The following TFIP11 variants were observed in gnomAD, a reference collection of about 807,000 sequenced individuals.
TFIP11 encodes tuftelin-interacting protein 11.
In TFIP11, 86 loss-of-function variants were observed where a neutral mutation model predicts 96.8. The observed-to-expected ratio is 0.89, with a 90% CI of 0.75 to 1.06. The LOEUF (loss-of-function observed/expected upper bound fraction) is 1.06, where lower values mean the gene tolerates loss of function less well. Ranked by LOEUF, TFIP11 falls within the 50% of genes least tolerant of loss-of-function variation. The pLI is 0.00. For synonymous variants in TFIP11, 405 were observed against 395.2 expected (o/e 1.02, Z -0.29); for missense variants, 881 against 1,076.7 (o/e 0.82, Z 2.54).
rs754345672 is a variant in TFIP11 at position 26,506,943 on chromosome 22, A to G, written c.210-15T>C. 1.6e-5 allele frequency: 26 copies of G among 1,612,216 alleles called. No homozygotes were observed. The African/African-American group carries it at 3.1e-4, about 19-fold the overall frequency. On this transcript the variant is annotated splice_polypyrimidine_tract_variant and intron_variant, in intron 4 of 14. Coordinates refer to ENST00000407690, the MANE Select transcript of TFIP11 (RefSeq NM_012143.4). ...AGTCACGGGCCCTGTAGGCACAGAA[A>G]CAAAGCCCCACCAGGTCGGTAAAGA...
intron 2 of TFIP11, chr22:26,511,183 C>T (rs1924010122): frequency 1.3e-5 from 2 of 152,426 alleles, no homozygotes. Context: ...AGTCAAGTTC[C>T]AAAGCTGAAG....
chr22:26,503,922 G>A, intron 6 of TFIP11, 129 bp from the exon 7 acceptor site: 1 of 1,199,832 alleles, frequency 8.3e-7, no homozygotes, highest in Non-Finnish European at 1.2e-6. Context: ...AGGAAGGAGA[G>A]CTATTCTCTG....
intron 8 of TFIP11, among the ~76,000 whole-genome samples, chr22:26,501,045 G>A (rs1204946724): frequency 2.0e-5 from 3 of 151,854 alleles, no homozygotes; most frequent in Non-Finnish European, 4.4e-5. Context: ...CATCACATCC[G>A]GCTAATTTTT....
chr22:26,501,784 CCA>C, intron 8 of TFIP11, 114 bp downstream of exon 8: 1 of 613,248 alleles, frequency 1.6e-6, no homozygotes. Context: ...AAGCAAGGTA[CCA>C]AAAAAAAAAA....
intron 4 of TFIP11, among the ~76,000 whole-genome samples, chr22:26,508,690 CA>C (rs1350085522): frequency 2.0e-5 from 3 of 151,940 alleles, no homozygotes; most frequent in African/African-American, 7.2e-5. Flanking sequence ...ACTAAAAATA[CA>C]AAAATTAGCT....
At chr22:26,498,122 G>T (rs533095677) in intron 10 of TFIP11, among the ~76,000 whole-genome samples, 86 of 152,314 alleles carry the variant, frequency 5.6e-4, no homozygotes, top group Middle Eastern at 3.4e-3. Flanking sequence ...ACTCAAGAAT[G>T]GAAAACCAAA....
intron 11 of TFIP11, 67 bp downstream of exon 11, chr22:26,496,650 TAATG>T: frequency 1.9e-6 from 3 of 1,556,434 alleles, no homozygotes; most frequent in East Asian, 4.5e-5. Flanking sequence ...AGCACTGAGA[TAATG>T]AAGCCACAGA....
intron 7 of TFIP11, among the ~76,000 whole-genome samples, chr22:26,503,445 C>T (rs1569162938): frequency 6.6e-6 from 1 of 152,226 alleles, no homozygotes; most frequent in African/African-American, 2.4e-5. Context: ...CAGCTCCTGG[C>T]ACCTTCTGCC....
chr22:26,496,955 C>G (rs901122480), intron 10 of TFIP11, 66 bp from the exon 11 acceptor site: 12 of 1,554,298 alleles, frequency 7.7e-6, no homozygotes, highest in Non-Finnish European at 1.1e-5. Context: ...ACACCACCAC[C>G]ACCTGCCTCT....
In TFIP11 at chr22:26,491,327, AT is replaced by A. The variant is rs551862093; in HGVS notation, c.*685del. The stretch of plus-strand genomic sequence containing the variant: ...GGCGCCCAATTCATTGTGCAAAAGC[AT>A]TTAAATCAAAATACCCTATTTGTTA... On this transcript the variant is annotated 3_prime_UTR_variant, in exon 15 of 15. Coordinates refer to ENST00000407690, the MANE Select transcript of TFIP11 (RefSeq NM_012143.4). 1.4e-3 allele frequency: 1,096 copies of A among 795,890 alleles called. No individual in the cohort carries two copies. Among genetic ancestry groups the A allele is most frequent in the Middle Eastern group, 3.7e-3 (10 of 2,722 alleles). 49.3% of individuals were successfully genotyped at this position (795,890 alleles called of 1,614,324 possible).
At chr22:26,504,946 G>C (rs369586253) in intron 6 of TFIP11, among the ~76,000 whole-genome samples, 4 of 151,994 alleles carry the variant, frequency 2.6e-5, no homozygotes, top group Admixed American at 6.6e-5. Flanking sequence ...CGTGGTGGCG[G>C]GTGCCTGTAA....
intron 7 of TFIP11, 35 bp from the exon 8 acceptor site, chr22:26,502,087 A>G (rs1287658323): frequency 1.2e-6 from 2 of 1,613,652 alleles, no homozygotes; most frequent in Non-Finnish European, 1.7e-6. Context: ...TGCAGCAAGG[A>G]ACAACCACTT....
At chr22:26,494,639 T>A in intron 13 of TFIP11, 158 bp downstream of exon 13, 1 of 1,057,974 alleles carries the variant, frequency 9.5e-7, no homozygotes, top group Non-Finnish European at 1.3e-6. Context: ...AAATGTCCAA[T>A]AAATGGTGCC....
intron 7 of TFIP11, 87 bp from the exon 8 acceptor site, chr22:26,502,139 C>A (rs748075645): frequency 1.3e-6 from 2 of 1,519,172 alleles, no homozygotes; most frequent in Non-Finnish European, 9.1e-7. Context: ...GCAGATGTCA[C>A]CATTCACTGT....
At chr22:26,502,904 G>A (rs1363534239) in intron 7 of TFIP11, among the ~76,000 whole-genome samples, 3 of 152,126 alleles carry the variant, frequency 2.0e-5, no homozygotes, top group Admixed American at 2.0e-4. Flanking sequence ...GGTGTGCCTG[G>A]CACCTGTAGG....
intron 6 of TFIP11, among the ~76,000 whole-genome samples, chr22:26,505,471 G>C (rs1923283037): frequency 6.6e-6 from 1 of 152,150 alleles, no homozygotes; most frequent in African/African-American, 2.4e-5. Flanking sequence ...TGTGAGTAGG[G>C]ATGGCAAACT....
At chr22:26,496,930 G>A (rs767370183) in intron 10 of TFIP11, 41 bp from the exon 11 acceptor site, 2 of 1,605,400 alleles carry the variant, frequency 1.2e-6, no homozygotes, top group Non-Finnish European at 1.7e-6. Context: ...TAATTACACT[G>A]ACTGGTTTCA....
chr22:26,492,584 G>A, intron 14 of TFIP11: 1 of 563,256 alleles, frequency 1.8e-6, no homozygotes, highest in Non-Finnish European at 3.2e-6. Context: ...CTAGTAACCA[G>A]ATTATTAATA....
chr22:26,494,402 G>T, intron 13 of TFIP11, 98 bp from the exon 14 acceptor site: 1 of 1,387,544 alleles, frequency 7.2e-7, no homozygotes, highest in Non-Finnish European at 1.0e-6. Flanking sequence ...GGTCCTACAG[G>T]CTAGTGACAC....
Sources: allele counts gnomAD v4.1 joint callset (sites outside exome capture counted in the v4.1 genomes callset), GRCh38; gene constraint gnomAD v4.1.1; transcripts MANE v1.5; gene names NCBI Gene and HGNC (gene_info 2026-07-23, HGNC 2026-07-21).